The following KIF16B variants were observed in gnomAD, a reference collection of about 807,000 sequenced individuals.
The protein encoded by KIF16B is kinesin family member 16B, also known as kinesin-like protein KIF16B.
In KIF16B, 98 loss-of-function variants were observed where a neutral mutation model predicts 156.3. The ratio of observed to expected loss-of-function variants is 0.63; its 90% CI spans 0.53 to 0.74. The LOEUF is 0.74. Among genes scored for constraint, KIF16B ranks in the 30% least tolerant of loss-of-function variants. KIF16B has a pLI of 0.00. For missense variants in KIF16B, 1,421 were observed against 1,606.5 expected (o/e 0.88, Z 1.97); for synonymous variants, 564 against 583.7 (o/e 0.97, Z 0.49).
intron 24 of KIF16B, among the ~76,000 whole-genome samples, chr20:16,319,978 C>T (rs2063750979): frequency 6.6e-6 from 1 of 152,144 alleles, no homozygotes. Context: ...ACACTCAACG[C>T]AGGCTCATGA....
chr20:16,437,879 T>A (rs965171298), intron 12 of KIF16B, among the ~76,000 whole-genome samples: 1 of 151,634 alleles, frequency 6.6e-6, no homozygotes, highest in Non-Finnish European at 1.5e-5. Context: ...ATGCCTGTAA[T>A]CCCAGTACTT....
At chr20:16,304,753 T>C (rs2063518595) in intron 25 of KIF16B, among the ~76,000 whole-genome samples, 1 of 152,148 alleles carries the variant, frequency 6.6e-6, no homozygotes, top group South Asian at 2.1e-4. Flanking sequence ...CTGAGAAAAC[T>C]CAGAAATCCT....
At position 16,429,858 on chromosome 20, in the gene KIF16B, T is replaced by C. The variant is rs1360311085; in HGVS notation, c.1422+5A>G. On this transcript the variant is annotated splice_donor_5th_base_variant and intron_variant, in intron 13 of 25. Coordinates refer to ENST00000354981, the MANE Select transcript of KIF16B (RefSeq NM_024704.5). Reference sequence around the variant, plus strand: ...ATTAGAATGTTCCACTTAATCAGTTTCTACCTTTAAATGATATAAGATGAT... The same window carrying C: ...ATTAGAATGTTCCACTTAATCAGTTCCTACCTTTAAATGATATAAGATGAT... The C allele has an allele frequency of 2.5e-6, 4 of 1,604,924 alleles. No homozygotes were observed. The South Asian group carries it at 4.5e-5, about 18-fold the overall frequency.
chr20:16,440,531 G>GCACA (rs1289246735), intron 12 of KIF16B, among the ~76,000 whole-genome samples: 18 of 79,440 alleles, frequency 2.3e-4, no homozygotes, highest in African/African-American at 2.9e-4. Flanking sequence ...ACACAAGCGC[G>GCACA]CGCACACACA....
chr20:16,385,561 C>T (rs2065210722), intron 17 of KIF16B, among the ~76,000 whole-genome samples: 1 of 152,132 alleles, frequency 6.6e-6, no homozygotes, highest in Non-Finnish European at 1.5e-5. Flanking sequence ...TGTAACAGGC[C>T]CCACCTCAAA....
At chr20:16,390,694 C>T (rs961323196) in intron 17 of KIF16B, among the ~76,000 whole-genome samples, 2 of 152,178 alleles carry the variant, frequency 1.3e-5, no homozygotes, top group African/African-American at 4.8e-5. Context: ...AGGAGCCTCT[C>T]AAAAGTTAAA....
At position 16,379,046 on chromosome 20, in the gene KIF16B, CTTT is replaced by C; in HGVS notation, c.2953_2955del (p.Lys985del). ...AAAATCTCCTTTTCCTTTTTCCTCA[CTTT>C]TTCCTCCTGACGTGCAATGTTGGCA... On this transcript the variant is annotated inframe_deletion, in exon 19 of 26. Transcript: ENST00000354981. The C allele has an allele frequency of 6.2e-7, 1 of 1,610,504 alleles. No individual in the cohort carries two copies. The highest frequency in any genetic ancestry group is 8.5e-7 in the Non-Finnish European group (1 of 1,178,374).
intron 12 of KIF16B, among the ~76,000 whole-genome samples, chr20:16,431,376 C>T (rs2066494478): frequency 1.3e-5 from 2 of 152,148 alleles, no homozygotes; most frequent in Admixed American, 6.5e-5. Flanking sequence ...TCATCCCATG[C>T]TCACTCACTC....
chr20:16,285,570 A>T (rs552139830), intron 25 of KIF16B, among the ~76,000 whole-genome samples: 5 of 152,308 alleles, frequency 3.3e-5, no homozygotes, highest in African/African-American at 9.6e-5. Flanking sequence ...TAATCCCAGC[A>T]CTTTGGGAGG....
At chr20:16,409,948 C>CATATAT (rs74175688) in intron 15 of KIF16B, among the ~76,000 whole-genome samples, 2 of 54,948 alleles carry the variant, frequency 3.6e-5, no homozygotes, top group Admixed American at 2.4e-4. Flanking sequence ...CACTTACCTA[C>CATATAT]ATATATATAT....
At chr20:16,558,139 G>A (rs957298382) in intron 1 of KIF16B, among the ~76,000 whole-genome samples, 5 of 152,220 alleles carry the variant, frequency 3.3e-5, no homozygotes, top group South Asian at 2.1e-4. Flanking sequence ...TGGGAGATGC[G>A]GACATCTGGA....
intron 12 of KIF16B, among the ~76,000 whole-genome samples, chr20:16,432,267 C>A (rs537005584): frequency 3.9e-5 from 6 of 152,188 alleles, no homozygotes; most frequent in African/African-American, 1.4e-4. Flanking sequence ...AAATCATGTA[C>A]AAGAGCATGA....
At chr20:16,413,433 C>T (rs1253617915) in intron 15 of KIF16B, among the ~76,000 whole-genome samples, 1 of 152,018 alleles carries the variant, frequency 6.6e-6, no homozygotes, top group Admixed American at 6.6e-5. Context: ...CAATAATTAC[C>T]CTCTTCAAGT....
intron 17 of KIF16B, chr20:16,382,192 A>T: frequency 2.8e-6 from 3 of 1,071,440 alleles, no homozygotes; most frequent in Non-Finnish European, 3.8e-6. Flanking sequence ...AATTAAGGAA[A>T]GCATTTAATA....
intron 1 of KIF16B, among the ~76,000 whole-genome samples, chr20:16,564,248 T>C (rs2071170550): frequency 6.6e-6 from 1 of 152,206 alleles, no homozygotes; most frequent in Admixed American, 6.5e-5. Context: ...CCCATGTCCC[T>C]ACAAAGGACA....
intron 12 of KIF16B, among the ~76,000 whole-genome samples, chr20:16,484,964 G>C (rs1424842091): frequency 7.9e-5 from 12 of 152,164 alleles, no homozygotes; most frequent in Admixed American, 7.9e-4. Flanking sequence ...TTATTGATCT[G>C]CCTGTACTCA....
At chr20:16,407,333 G>A (rs2065811267) in intron 15 of KIF16B, among the ~76,000 whole-genome samples, 1 of 152,152 alleles carries the variant, frequency 6.6e-6, no homozygotes, top group Non-Finnish European at 1.5e-5. Context: ...GAGAGGCCAC[G>A]TGTATGGTCC....
chr20:16,428,876 C>CA, intron 14 of KIF16B, 77 bp downstream of exon 14: 1 of 1,145,430 alleles, frequency 8.7e-7, no homozygotes, highest in Non-Finnish European at 1.3e-6. Context: ...ACTTCAATGT[C>CA]AGTCATTCGA....
chr20:16,311,246 TGA>T (rs1362089420), intron 25 of KIF16B, among the ~76,000 whole-genome samples: 1 of 152,194 alleles, frequency 6.6e-6, no homozygotes, highest in Non-Finnish European at 1.5e-5. Context: ...GCTAGCACAT[TGA>T]GAGATGGAGG....
Sources: gnomAD v4.1 joint callset for allele counts (sites outside exome capture counted in the v4.1 genomes callset) on GRCh38, gnomAD v4.1.1 for gene constraint, MANE v1.5 for transcripts, NCBI Gene and HGNC (gene_info 2026-07-23, HGNC 2026-07-21) for gene names.